DMD: variants seen among roughly 807,000 people sequenced by gnomAD.
DMD encodes the protein mutant dystrophin.
In DMD, 63 loss-of-function variants were observed where a neutral mutation model predicts 330.1. That is an observed-to-expected ratio of 0.19 (90% CI 0.16 to 0.24). The LOEUF (loss-of-function observed/expected upper bound fraction) is 0.24, where lower values mean the gene tolerates loss of function less well. DMD is among the 10% of genes least tolerant of loss of function. The pLI, the probability that DMD is intolerant of heterozygous loss-of-function variation, is 1.00. For missense variants in DMD, 3,344 were observed against 2,684.1 expected (o/e 1.25, Z -5.43); for synonymous variants, 1,223 against 959.8 (o/e 1.27, Z -5.07).
intron 55 of DMD, among the ~76,000 whole-genome samples, chrX:31,595,875 CT>C (rs2077088385): frequency 9.1e-6 from 1 of 110,210 alleles, no homozygotes; most frequent in Non-Finnish European, 1.9e-5. Context: ...AGAGGCATTC[CT>C]TTCTTTTATT....
At chrX:31,725,151 C>T (rs2085921023) in intron 52 of DMD, among the ~76,000 whole-genome samples, 1 of 111,529 alleles carries the variant, frequency 9.0e-6, no homozygotes, top group Admixed American at 9.6e-5. Flanking sequence ...TCTACTTCCT[C>T]ACTTGTCATC....
At chrX:33,096,075 C>T (rs1246526053) in intron 1 of DMD, among the ~76,000 whole-genome samples, 2 of 103,796 alleles carry the variant, frequency 1.9e-5, no homozygotes, top group Non-Finnish European at 3.9e-5. Flanking sequence ...CTTGGGCTCA[C>T]GCCATTCTCC....
At chrX:32,419,883 C>T (rs752160112) in intron 29 of DMD, among the ~76,000 whole-genome samples, 1 of 102,908 alleles carries the variant, frequency 9.7e-6, no homozygotes, top group Non-Finnish European at 2.0e-5. Context: ...AAGCATTGAG[C>T]ATTGATAGAA....
At chrX:32,945,778 T>C (rs1161210585) in intron 2 of DMD, among the ~76,000 whole-genome samples, 2 of 111,900 alleles carry the variant, frequency 1.8e-5, no homozygotes, top group African/African-American at 6.5e-5. Context: ...AAGTATTGTA[T>C]ATTTTTTCCT....
At chrX:32,196,670 T>C (rs1002952051) in intron 44 of DMD, among the ~76,000 whole-genome samples, 2 of 110,784 alleles carry the variant, frequency 1.8e-5, no homozygotes, top group African/African-American at 6.6e-5. Flanking sequence ...CACATACATA[T>C]ATACTCTCGG....
At chrX:31,121,973 C>A in intron 78 of DMD, 43 bp from the exon 79 acceptor site, 1 of 977,764 alleles carries the variant, frequency 1.0e-6, no homozygotes, top group Non-Finnish European at 1.5e-6. Context: ...ACAAAAGGTG[C>A]AGATAGATAG....
At chrX:32,348,583 A>G in intron 37 of DMD, 55 bp from the exon 38 acceptor site, 1 of 1,024,041 alleles carries the variant, frequency 9.8e-7, no homozygotes. Flanking sequence ...TTAGAAACAT[A>G]AACCAAAAGA....
At chrX:32,433,406 G>A (rs1340660185) in intron 29 of DMD, among the ~76,000 whole-genome samples, 1 of 111,710 alleles carries the variant, frequency 9.0e-6, no homozygotes, top group Non-Finnish European at 1.9e-5. Context: ...GGCCGGATGC[G>A]GTGGCTCACG....
intron 60 of DMD, among the ~76,000 whole-genome samples, chrX:31,426,495 T>A (rs191349332): frequency 1.8e-5 from 2 of 112,548 alleles, no homozygotes; most frequent in Admixed American, 1.9e-4. Context: ...GGAGAGCCTT[T>A]GACTTAAAGT....
chrX:32,255,889 A>T, intron 43 of DMD, among the ~76,000 whole-genome samples: 1 of 111,881 alleles, frequency 8.9e-6, no homozygotes, highest in East Asian at 2.8e-4. Context: ...TGGGGTGGGA[A>T]TACTGCATCA....
At chrX:31,968,147 G>A (rs1054471803) in intron 45 of DMD, among the ~76,000 whole-genome samples, 192 bp downstream of exon 45, 2 of 110,780 alleles carry the variant, frequency 1.8e-5, no homozygotes, top group African/African-American at 6.6e-5. Context: ...CCACTAACTA[G>A]CCACAAGTAT....
At chrX:31,591,116 C>T (rs1159042554) in intron 55 of DMD, among the ~76,000 whole-genome samples, 2 of 111,812 alleles carry the variant, frequency 1.8e-5, no homozygotes, top group Non-Finnish European at 3.8e-5. Context: ...ACTTTTGTAA[C>T]AATTACATGT....
intron 2 of DMD, among the ~76,000 whole-genome samples, chrX:32,863,573 C>CACACACACAA (rs1250324246): frequency 9.9e-6 from 1 of 101,221 alleles, no homozygotes; most frequent in African/African-American, 3.8e-5. Context: ...CACACACACA[C>CACACACACAA]AAATACACAC....
intron 44 of DMD, among the ~76,000 whole-genome samples, chrX:32,139,997 G>T (rs916530740): frequency 8.9e-6 from 1 of 112,242 alleles, no homozygotes; most frequent in African/African-American, 3.2e-5. Flanking sequence ...CAAAGCTGAA[G>T]AAGGTGTGAA....
Position 32,291,200 on chromosome X carries a change from A to T in DMD, c.6118-3499T>A, listed in dbSNP as rs767495343. Among the ~76,000 whole-genome samples the T allele has an allele frequency of 1.7e-4, 19 of 111,847 alleles. No homozygotes were observed. The East Asian group carries it at 5.0e-3, about 30-fold the overall frequency. The stretch of plus-strand genomic sequence containing the variant: ...TAGCTAATGGGGAACTATGATTTTT[A>T]AAAAGTTATCATTATGTAAGATTTC... On this transcript the variant is annotated intron_variant, in intron 42 of 78. Transcript: ENST00000357033.
At chrX:32,214,286 C>T (rs2097104699) in intron 44 of DMD, among the ~76,000 whole-genome samples, 1 of 105,136 alleles carries the variant, frequency 9.5e-6, no homozygotes, top group Non-Finnish European at 1.9e-5. Flanking sequence ...ACACATTGAA[C>T]ATCAGACATT....
intron 49 of DMD, among the ~76,000 whole-genome samples, chrX:31,822,444 G>A (rs2092782136): frequency 8.9e-6 from 1 of 112,102 alleles, no homozygotes; most frequent in Non-Finnish European, 1.9e-5. Flanking sequence ...TTAAGACCTT[G>A]TAATGTGGGA....
At chrX:31,258,425 A>C (rs772244651) in intron 63 of DMD, among the ~76,000 whole-genome samples, 8 of 112,954 alleles carry the variant, frequency 7.1e-5, no homozygotes, top group African/African-American at 2.6e-4. Context: ...GATTGTTACA[A>C]AACTATTGGA....
intron 2 of DMD, among the ~76,000 whole-genome samples, chrX:32,903,024 G>A (rs2086406266): frequency 9.4e-6 from 1 of 105,978 alleles, no homozygotes; most frequent in African/African-American, 3.5e-5. Flanking sequence ...GGGCTTGGTG[G>A]CTCATGCCTG....
Sources: gnomAD v4.1 joint callset for allele counts (sites outside exome capture counted in the v4.1 genomes callset) on GRCh38, gnomAD v4.1.1 for gene constraint, MANE v1.5 for transcripts, NCBI Gene and HGNC (gene_info 2026-07-23, HGNC 2026-07-21) for gene names.